SLC35B4: variants seen among roughly 807,000 people sequenced by gnomAD.
SLC35B4 encodes nucleotide sugar transporter SLC35B4.
A neutral mutation model predicts 39.5 loss-of-function variants in SLC35B4; 28 were observed. That is an observed-to-expected ratio of 0.71 (90% CI 0.53 to 0.97). The LOEUF is 0.97. Ranked by LOEUF, SLC35B4 falls within the 50% of genes least tolerant of loss-of-function variation. The pLI is 0.00. For missense variants in SLC35B4, 334 were observed against 414.3 expected (o/e 0.81, Z 1.68); for synonymous variants, 145 against 150.4 (o/e 0.96, Z 0.26).
rs1803333896 is a variant in SLC35B4, at chr7:134,291,763, G to A, written c.*3070C>T. The A allele has an allele frequency of 6.6e-6, 1 of 152,178 alleles. No homozygotes were observed. Among genetic ancestry groups the A allele is most frequent in the South Asian group, 2.1e-4 (1 of 4,828 alleles). 9.4% of individuals were successfully genotyped at this position (152,178 alleles called of 1,614,324 possible). On this transcript the variant is annotated 3_prime_UTR_variant, in exon 10 of 10. Coordinates refer to ENST00000378509, the MANE Select transcript of SLC35B4 (RefSeq NM_032826.5). The stretch of plus-strand genomic sequence containing the variant: ...ATATAAATGTATCAAGTACATTACA[G>A]TTGTTTTAGTTGGACGAAAAAGAAA...
rs1803311139 is a variant in SLC35B4 at position 134,290,581 on chromosome 7, C to T, written c.*4252G>A. On this transcript the variant is annotated 3_prime_UTR_variant, in exon 10 of 10. Transcript: ENST00000378509. ...TTTAAAGCCAAGAGGGGCCAGTCTC[C>T]CATTCCAGCTTGGTACACACTGAAC... is the stretch of plus-strand genomic sequence containing the variant. 1 of 152,168 alleles carries T rather than the reference C, an allele frequency of 6.6e-6. No individual in the cohort carries two copies. The highest frequency in any genetic ancestry group is 2.4e-5 in the African/African-American group (1 of 41,436). The allele number at this position is 152,168 out of a possible 1,614,324, so 9.4% of individuals were successfully genotyped here.
At chr7:134,312,368 CAA>C (rs1410961857) in intron 1 of SLC35B4, among the ~76,000 whole-genome samples, 2 of 152,076 alleles carry the variant, frequency 1.3e-5, no homozygotes, top group Admixed American at 6.5e-5. Context: ...TATCAAGACT[CAA>C]TTATGTGTAG....
Position 134,316,730 on chromosome 7 carries a change from C to G in SLC35B4, c.22G>C (p.Gly8Arg), listed in dbSNP as rs928758721. MRPALAV[G>R]LVFAGCCSNV... Reference sequence around the variant, plus strand: ...CTGCAGCAGCCTGCGAACACCAGGCCCACCGCCAAGGCCGGGCGCATGGCC... The same window carrying G: ...CTGCAGCAGCCTGCGAACACCAGGCGCACCGCCAAGGCCGGGCGCATGGCC... Residue 8 changes from glycine to arginine, a missense_variant, in exon 1 of 10, where the codon GGC becomes CGC. Physicochemically the swap from Gly to Arg is moderately radical, Grantham distance 125 (BLOSUM62 -2). Coordinates refer to ENST00000378509, the MANE Select transcript of SLC35B4 (RefSeq NM_032826.5). 1 of 1,549,990 alleles carries G rather than the reference C, an allele frequency of 6.5e-7. No homozygotes were observed. Among genetic ancestry groups the G allele is most frequent in the Non-Finnish European group, 8.7e-7 (1 of 1,146,786 alleles).
rs1803369355 is a variant in SLC35B4 at position 134,293,134 on chromosome 7, AC to A, written c.*1698del. On this transcript the variant is annotated 3_prime_UTR_variant, in exon 10 of 10. Coordinates refer to ENST00000378509, the MANE Select transcript of SLC35B4 (RefSeq NM_032826.5). ...TAAGAACACAATGTGTGCACCACAC[AC>A]ACACACATACATACACACACACACA... is the stretch of plus-strand genomic sequence containing the variant. The A allele has an allele frequency of 8.1e-6, 1 of 124,094 alleles. No homozygotes were observed. Among genetic ancestry groups the A allele is most frequent in the Non-Finnish European group, 1.8e-5 (1 of 56,600 alleles). The allele number at this position is 124,094 out of a possible 1,614,324, so 7.7% of individuals were successfully genotyped here.
At chr7:134,295,688 C>T (rs930358310) in intron 9 of SLC35B4, among the ~76,000 whole-genome samples, 2 of 151,906 alleles carry the variant, frequency 1.3e-5, no homozygotes, top group Non-Finnish European at 2.9e-5. Flanking sequence ...TGGGCTTGAG[C>T]GATCCTCCCA....
chr7:134,303,706 T>C (rs1803643939), intron 4 of SLC35B4, among the ~76,000 whole-genome samples: 1 of 152,198 alleles, frequency 6.6e-6, no homozygotes, highest in African/African-American at 2.4e-5. Flanking sequence ...GGATATCAAA[T>C]ACATTGAAAC....
chr7:134,305,888 C>T (rs1563217421), intron 3 of SLC35B4, among the ~76,000 whole-genome samples: 1 of 152,112 alleles, frequency 6.6e-6, no homozygotes. Flanking sequence ...AGGCTGGTCT[C>T]GAACTCCCAA....
chr7:134,295,403 T>A (rs1803440853), intron 9 of SLC35B4, among the ~76,000 whole-genome samples: 1 of 152,132 alleles, frequency 6.6e-6, no homozygotes, highest in Non-Finnish European at 1.5e-5. Flanking sequence ...CACCTTTATT[T>A]ATCTTGCCTC....
chr7:134,302,196 T>G (rs1267497105), intron 4 of SLC35B4, 86 bp from the exon 5 acceptor site: 1 of 1,129,966 alleles, frequency 8.8e-7, no homozygotes, highest in Non-Finnish European at 1.3e-6. Context: ...AGATGGTGCA[T>G]GAAAGTACAA....
Position 134,316,651 on chromosome 7 carries a change from G to A in SLC35B4, c.77+24C>T, listed in dbSNP as rs1478641391. ...CCTCCGCCCCGCCCCGGGAGACCGG[G>A]TGCGGCCCGAGCGGGTCACTCACCG... On this transcript the variant is annotated intron_variant, in intron 1 of 9. Transcript: ENST00000378509. 3 of 1,548,464 alleles carry A rather than the reference G, an allele frequency of 1.9e-6. No homozygotes were observed. In the Middle Eastern group the frequency reaches 5.5e-4, roughly 284 times the overall value.
chr7:134,297,530 C>T (rs1803493889), intron 8 of SLC35B4, among the ~76,000 whole-genome samples: 1 of 151,898 alleles, frequency 6.6e-6, no homozygotes, highest in African/African-American at 2.4e-5. Flanking sequence ...AGGCATTGTA[C>T]ATTTGATAAA....
In SLC35B4 at chr7:134,299,604, G is replaced by GA; in HGVS notation, c.598-7dup. 1 of 1,611,790 alleles carries GA rather than the reference G, an allele frequency of 6.2e-7. No individual in the cohort carries two copies. Among genetic ancestry groups the GA allele is most frequent in the Non-Finnish European group, 8.5e-7 (1 of 1,178,158 alleles). ...CCCGGAAGTGGAAGGGCGTGCTATG[G>GA]AAAGAAACAGGTCAGATAAATGTAA... On this transcript the variant is annotated splice_polypyrimidine_tract_variant and splice_region_variant and intron_variant, in intron 7 of 9. Coordinates refer to ENST00000378509, the MANE Select transcript of SLC35B4 (RefSeq NM_032826.5).
intron 6 of SLC35B4, among the ~76,000 whole-genome samples, chr7:134,301,363 A>C (rs1018185351): frequency 2.6e-5 from 4 of 152,214 alleles, no homozygotes; most frequent in Admixed American, 2.6e-4. Flanking sequence ...CCTCTGAAGA[A>C]AATAAGTCTT....
intron 8 of SLC35B4, among the ~76,000 whole-genome samples, chr7:134,297,008 C>T (rs1169635843): frequency 6.6e-6 from 1 of 152,208 alleles, no homozygotes; most frequent in African/African-American, 2.4e-5. Context: ...GCAACCTCTG[C>T]CTCCCAGGTT....
At chr7:134,310,510 C>T (rs1331412135) in intron 1 of SLC35B4, among the ~76,000 whole-genome samples, 1 of 151,990 alleles carries the variant, frequency 6.6e-6, no homozygotes, top group African/African-American at 2.4e-5. Flanking sequence ...TCCTATAATA[C>T]CAATATTCAC....
In SLC35B4 at chr7:134,316,851, C is replaced by T. The variant is rs1320715771; in HGVS notation, c.-100G>A. ...CCTGCCTCTTCGCTGCGCAGCACAT[C>T]GCACCGTCCTGGAAAGCCGCTCTCA... is the stretch of plus-strand genomic sequence containing the variant. On this transcript the variant is annotated 5_prime_UTR_variant, in exon 1 of 10. Coordinates refer to ENST00000378509, the MANE Select transcript of SLC35B4 (RefSeq NM_032826.5). The T allele has an allele frequency of 1.6e-6, 2 of 1,250,664 alleles. No homozygotes were observed. Among genetic ancestry groups the T allele is most frequent in the African/African-American group, 1.5e-5 (1 of 66,988 alleles). The allele number at this position is 1,250,664 out of a possible 1,614,324, so 77.5% of individuals were successfully genotyped here.
intron 9 of SLC35B4, among the ~76,000 whole-genome samples, 159 bp downstream of exon 9, chr7:134,296,232 A>G (rs1305893134): frequency 6.6e-6 from 1 of 152,184 alleles, no homozygotes; most frequent in East Asian, 1.9e-4. Flanking sequence ...GCCCTCTACA[A>G]GGAGTTCCCT....
At position 134,293,320 on chromosome 7, in the gene SLC35B4, C is replaced by T. The variant is rs1410715697; in HGVS notation, c.*1513G>A. On this transcript the variant is annotated 3_prime_UTR_variant, in exon 10 of 10. Coordinates refer to ENST00000378509, the MANE Select transcript of SLC35B4 (RefSeq NM_032826.5). ...TGATCACACACAGACTACACAAGAGCACACAGAAGCTACGCATATTACAGC... is the reference window on the plus strand; with the variant it reads ...TGATCACACACAGACTACACAAGAGTACACAGAAGCTACGCATATTACAGC... The T allele has an allele frequency of 6.6e-6, 1 of 152,184 alleles. No individual in the cohort carries two copies. Among genetic ancestry groups the T allele is most frequent in the Non-Finnish European group, 1.5e-5 (1 of 68,028 alleles). 9.4% of individuals were successfully genotyped at this position (152,184 alleles called of 1,614,324 possible).
rs757704455 is a variant in SLC35B4 at position 134,300,151 on chromosome 7, C to A, written c.597+1G>T. ...GTTCCCAGGTTCAGGAAGTTGCTTACATTATAAAACAAAGCCTCCTTGGAG... is the reference window on the plus strand; with the variant it reads ...GTTCCCAGGTTCAGGAAGTTGCTTAAATTATAAAACAAAGCCTCCTTGGAG... On this transcript the variant is annotated splice_donor_variant, in intron 7 of 9. Transcript: ENST00000378509. LOFTEE classifies it high-confidence loss of function. 8 of 1,590,894 alleles carry A rather than the reference C, an allele frequency of 5.0e-6. No individual in the cohort carries two copies. Among genetic ancestry groups the A allele is most frequent in the Non-Finnish European group, 6.0e-6 (7 of 1,169,054 alleles).
Sources: allele counts gnomAD v4.1 joint callset (sites outside exome capture counted in the v4.1 genomes callset), GRCh38; gene constraint gnomAD v4.1.1; transcripts MANE v1.5; gene names NCBI Gene and HGNC (gene_info 2026-07-23, HGNC 2026-07-21).